TUSC3: variants seen among roughly 807,000 people sequenced by gnomAD.
TUSC3 encodes the protein tumor suppressor candidate 3.
A neutral mutation model predicts 44.8 loss-of-function variants in TUSC3; 45 were observed. The ratio of observed to expected loss-of-function variants is 1.00; its 90% CI spans 0.79 to 1.29. The LOEUF (loss-of-function observed/expected upper bound fraction) is 1.29. TUSC3 is among the 50% of genes most tolerant of loss of function. The pLI is 0.00. For missense variants in TUSC3, 519 were observed against 437.9 expected, an observed-to-expected ratio of 1.19 and a Z score of -1.65; for synonymous variants, 212 against 152.9, an observed-to-expected ratio of 1.39 and a Z score of -2.85.
At chr8:15,565,743 G>A (rs1347548174) in intron 1 of TUSC3, among the ~76,000 whole-genome samples, 1 of 151,994 alleles carries the variant, frequency 6.6e-6, no homozygotes, top group Non-Finnish European at 1.5e-5. Flanking sequence ...CTGATACAAA[G>A]CTCTTTCCCT....
intron 6 of TUSC3, among the ~76,000 whole-genome samples, chr8:15,719,692 TTA>T (rs1278663041): frequency 2.0e-5 from 3 of 152,078 alleles, no homozygotes; most frequent in African/African-American, 7.2e-5. Flanking sequence ...CACTGAAGGC[TTA>T]TGTCACACTT....
Position 15,447,351 on chromosome 8 carries a change from A to T in TUSC3, n.91+30046A>T, listed in dbSNP as rs557200668. Among the ~76,000 whole-genome samples, 416 of 152,304 alleles carry T rather than the reference A, an allele frequency of 2.7e-3. 3 individuals carry two copies. Among genetic ancestry groups the T allele is most frequent in the African/African-American group, 9.5e-3 (394 of 41,576 alleles). On this transcript the variant is annotated intron_variant and non_coding_transcript_variant, in intron 1 of 5. Transcript: ENST00000503191. Reference sequence around the variant, plus strand: ...TTAGTACTTCAGCTGTCAGAAAACTAAAGACAAAAATTAAAAATAAATGAA... The same window carrying T: ...TTAGTACTTCAGCTGTCAGAAAACTTAAGACAAAAATTAAAAATAAATGAA...
chr8:15,819,483 C>T, the TUSC3 span, among the ~76,000 whole-genome samples: 1 of 152,108 alleles, frequency 6.6e-6, no homozygotes, highest in Non-Finnish European at 1.5e-5. Context: ...TGAAAATTTC[C>T]TGAGTTTCAG....
chr8:15,606,915 C>A (rs1295641264), intron 1 of TUSC3, among the ~76,000 whole-genome samples: 1 of 150,606 alleles, frequency 6.6e-6, no homozygotes, highest in Admixed American at 6.6e-5. Context: ...TTTAATAAAA[C>A]ATTGTGTGTG....
At chr8:15,451,588 A>C (rs910951932) in intron 1 of TUSC3, among the ~76,000 whole-genome samples, 1 of 152,114 alleles carries the variant, frequency 6.6e-6, no homozygotes, top group African/African-American at 2.4e-5. Flanking sequence ...CTTTCCCTAT[A>C]CCTTGCCAAA....
intron 2 of TUSC3, among the ~76,000 whole-genome samples, chr8:15,499,541 G>A (rs1800929985): frequency 6.6e-6 from 1 of 152,072 alleles, no homozygotes; most frequent in Non-Finnish European, 1.5e-5. Flanking sequence ...TGAGATAAAT[G>A]GCCTCTCTTT....
In TUSC3 at chr8:15,445,738, A is replaced by G. The variant is rs529278153; in HGVS notation, n.91+28433A>G. On this transcript the variant is annotated intron_variant and non_coding_transcript_variant, in intron 1 of 5. Coordinates refer to the TUSC3 transcript ENST00000503191. ...TTCTTTCTACACAGACACAGTAACA[A>G]TCTGATCTCTGTTTCTTTTTACCAC... Among the ~76,000 whole-genome samples the G allele has an allele frequency of 2.6e-5, 4 of 152,342 alleles. No individual in the cohort carries two copies. The South Asian group carries it at 8.3e-4, about 32-fold the overall frequency.
chr8:15,747,555 G>C (rs1206305074), intron 8 of TUSC3, among the ~76,000 whole-genome samples: 3 of 151,948 alleles, frequency 2.0e-5, no homozygotes, highest in African/African-American at 7.2e-5. Context: ...AGTGAATCTT[G>C]TTTAAATATC....
chr8:15,844,551 C>A, the TUSC3 span, among the ~76,000 whole-genome samples: 1 of 152,250 alleles, frequency 6.6e-6, no homozygotes, highest in South Asian at 2.1e-4. Flanking sequence ...ATGTCCATAA[C>A]TCAGATTTAT....
At chr8:15,436,347 T>A (rs1563250398) in intron 1 of TUSC3, among the ~76,000 whole-genome samples, 1 of 152,218 alleles carries the variant, frequency 6.6e-6, no homozygotes, top group African/African-American at 2.4e-5. Flanking sequence ...GCATGTGGGA[T>A]GGAATGTCTA....
At chr8:15,464,179 T>C (rs1054262152) in intron 1 of TUSC3, among the ~76,000 whole-genome samples, 1 of 152,156 alleles carries the variant, frequency 6.6e-6, no homozygotes, top group African/African-American at 2.4e-5. Flanking sequence ...CCAGAGTCTG[T>C]TTAACTAGAG....
intron 1 of TUSC3, among the ~76,000 whole-genome samples, chr8:15,571,279 G>A (rs1323523991): frequency 6.6e-6 from 1 of 152,046 alleles, no homozygotes; most frequent in Non-Finnish European, 1.5e-5. Flanking sequence ...TAATGAAATT[G>A]TTTTATACTT....
intron 10 of TUSC3, chr8:15,758,249 A>G: frequency 4.1e-6 from 4 of 987,654 alleles, no homozygotes; most frequent in Non-Finnish European, 4.8e-6. Flanking sequence ...TTAATATTCA[A>G]GGGTAATAAA....
At chr8:15,639,648 TA>T (rs1221970202) in intron 2 of TUSC3, among the ~76,000 whole-genome samples, 9 of 152,196 alleles carry the variant, frequency 5.9e-5, no homozygotes, top group African/African-American at 2.2e-4. Context: ...ATCTTTGTAT[TA>T]TTTTTAAGCA....
At chr8:15,645,312 A>G (rs1262026355) in intron 2 of TUSC3, among the ~76,000 whole-genome samples, 2 of 152,288 alleles carry the variant, frequency 1.3e-5, no homozygotes, top group Admixed American at 6.5e-5. Flanking sequence ...AACACAGAAT[A>G]CACATTCCAG....
At chr8:15,625,965 A>G (rs12549618) in intron 2 of TUSC3, among the ~76,000 whole-genome samples, 38,514 of 152,222 alleles carry the variant, frequency 0.25, 6,142 homozygotes, top group Non-Finnish European at 0.35. Flanking sequence ...AGGATAGAGT[A>G]TATATACCTT....
rs556357012 is a variant in TUSC3, at chr8:15,625,690, A to G, written c.308+2441A>G. 4.6e-5 allele frequency among the ~76,000 whole-genome samples: 7 copies of G among 152,338 alleles called. No homozygotes were observed. In the South Asian group the frequency reaches 1.2e-3, roughly 27 times the overall value. On this transcript the variant is annotated intron_variant, in intron 2 of 10. Transcript: ENST00000503731. Reference sequence around the variant, plus strand: ...TGTAGTGGAGACTGAAGTTATTAGTAACTTGGGTCAATGTAAAAAATCAGT... The same window carrying G: ...TGTAGTGGAGACTGAAGTTATTAGTGACTTGGGTCAATGTAAAAAATCAGT...
At chr8:15,451,178 T>C (rs552528709) in intron 1 of TUSC3, among the ~76,000 whole-genome samples, 2 of 152,306 alleles carry the variant, frequency 1.3e-5, no homozygotes, top group African/African-American at 2.4e-5. Flanking sequence ...AAGACACATA[T>C]ATATGTCTTA....
At chr8:15,804,999 T>G in the TUSC3 span, among the ~76,000 whole-genome samples, 1 of 152,198 alleles carries the variant, frequency 6.6e-6, no homozygotes, top group Non-Finnish European at 1.5e-5. Context: ...CATCTGTATT[T>G]TCTTTCGACA....
Sources: gnomAD v4.1 joint callset for allele counts (sites outside exome capture counted in the v4.1 genomes callset) on GRCh38, gnomAD v4.1.1 for gene constraint, MANE v1.5 for transcripts, NCBI Gene and HGNC (gene_info 2026-07-23, HGNC 2026-07-21) for gene names.